Variants in USP6 observed in about 807,000 individuals in gnomAD.
USP6 encodes the protein ubiquitin carboxyl-terminal hydrolase 6.
Under a neutral mutation model 175.7 loss-of-function variants are expected in USP6, and 128 were observed. The ratio of observed to expected loss-of-function variants is 0.73; its 90% confidence interval spans 0.63 to 0.84. The LOEUF (loss-of-function observed/expected upper bound fraction) is 0.84. Ranked by LOEUF, USP6 falls within the 40% of genes least tolerant of loss-of-function variation. USP6 has a pLI of 0.00. For missense variants in USP6, 1,498 were observed against 1,760.3 expected (o/e 0.85, Z 2.67); for synonymous variants, 562 against 630.6 (o/e 0.89, Z 1.63).
At chr17:5,117,977 G>T (rs2143686709) in intron 1 of USP6, among the ~76,000 whole-genome samples, 1 of 151,750 alleles carries the variant, frequency 6.6e-6, no homozygotes, top group African/African-American at 2.4e-5. Context: ...GCTGAGGCAG[G>T]AGAATCACTT....
intron 3 of USP6, 32 bp downstream of exon 3, chr17:5,120,820 C>A: frequency 2.2e-6 from 1 of 452,968 alleles, no homozygotes; most frequent in Admixed American, 2.4e-5. Flanking sequence ...GGTGTGCACA[C>A]ATGTGGGCAC....
chr17:5,143,753 A>T (rs1012597245), intron 25 of USP6, among the ~76,000 whole-genome samples: 2 of 143,574 alleles, frequency 1.4e-5, no homozygotes, highest in South Asian at 2.2e-4. Context: ...ATGATCAATA[A>T]AAAAAAAAAA....
In USP6 at chr17:5,145,582, A is replaced by T. The variant is rs747489898; in HGVS notation, c.2167+3A>T. On this transcript the variant is annotated splice_donor_region_variant and intron_variant, in intron 27 of 37. Coordinates refer to ENST00000574788, the MANE Select transcript of USP6 (RefSeq NM_001304284.2). ...TTACATGGACTTAGAAATAACAGGTAGGTCACAAAGTTCTGAAAAATTACT... is the reference window on the plus strand; with the variant it reads ...TTACATGGACTTAGAAATAACAGGTTGGTCACAAAGTTCTGAAAAATTACT... 10 of 1,569,190 alleles carry T rather than the reference A, an allele frequency of 6.4e-6. No individual in the cohort carries two copies. Among genetic ancestry groups the T allele is most frequent in the Non-Finnish European group, 8.6e-6 (10 of 1,159,804 alleles).
intron 18 of USP6, 36 bp downstream of exon 18, chr17:5,136,770 C>T (rs1250154673): frequency 6.2e-7 from 1 of 1,606,440 alleles, no homozygotes; most frequent in Non-Finnish European, 8.5e-7. Context: ...TCTCAGAGGC[C>T]CTGCCTCCTG....
chr17:5,143,130 T>TG (rs2073498725), intron 25 of USP6, among the ~76,000 whole-genome samples: 1 of 151,534 alleles, frequency 6.6e-6, no homozygotes, highest in Non-Finnish European at 1.5e-5. Flanking sequence ...TGGAGGGAGG[T>TG]GAGGGGGTCA....
intron 30 of USP6, among the ~76,000 whole-genome samples, chr17:5,149,250 A>G (rs1174813545): frequency 3.3e-5 from 5 of 152,104 alleles, no homozygotes; most frequent in Non-Finnish European, 7.4e-5. Context: ...TAAAAATACA[A>G]AAATTAGCTG....
intron 1 of USP6, among the ~76,000 whole-genome samples, chr17:5,117,629 G>T (rs1308782304): frequency 1.3e-5 from 2 of 152,176 alleles, no homozygotes; most frequent in East Asian, 3.8e-4. Context: ...AAGTTAGTGG[G>T]AAATCACTGT....
intron 4 of USP6, among the ~76,000 whole-genome samples, chr17:5,123,987 C>T (rs2072806511): frequency 1.3e-5 from 2 of 152,148 alleles, no homozygotes; most frequent in African/African-American, 4.8e-5. Context: ...TAACAAGGAC[C>T]CCTAACAAGA....
chr17:5,149,390 G>A (rs1460395058), intron 30 of USP6, among the ~76,000 whole-genome samples: 2 of 151,974 alleles, frequency 1.3e-5, no homozygotes, highest in African/African-American at 4.8e-5. Flanking sequence ...GTGGTAAAGC[G>A]AGACTTCATC....
rs761579375 is a variant in USP6, at chr17:5,161,630, A to G, written c.2915+16A>G. ...CACAGTATAGGTAAAGTGACCTGCA[A>G]AAGAATTACTTTAGTAGAATTTCAG... On this transcript the variant is annotated intron_variant, in intron 32 of 37. Coordinates refer to ENST00000574788, the MANE Select transcript of USP6 (RefSeq NM_001304284.2). 4 of 1,610,964 alleles carry G rather than the reference A, an allele frequency of 2.5e-6. No homozygotes were observed. Among genetic ancestry groups the G allele is most frequent in the Middle Eastern group, 1.6e-4 (1 of 6,064 alleles).
Position 5,132,186 on chromosome 17 carries a change from C to G in USP6, c.156-210C>G. 6.5e-7 allele frequency: 1 copy of G among 1,528,550 alleles called. No homozygotes were observed. The highest frequency in any genetic ancestry group is 1.4e-5 in the African/African-American group (1 of 72,814). 94.7% of individuals were successfully genotyped at this position (1,528,550 alleles called of 1,614,324 possible). ...AGGGGCCCCAGTAACCCCAGCCAGG[C>G]TGTCCCTGCACTCCTTCTTCTCCCA... On this transcript the variant is annotated intron_variant, in intron 11 of 37. Coordinates refer to ENST00000574788, the MANE Select transcript of USP6 (RefSeq NM_001304284.2). The surrounding 1 kb of genome is among the most constrained non-coding windows in gnomAD (Gnocchi z 4.7).
intron 9 of USP6, 69 bp from the exon 10 acceptor site, chr17:5,130,297 GT>G: frequency 6.6e-7 from 1 of 1,515,614 alleles, no homozygotes. Context: ...TGGGAGCCCG[GT>G]GGGAGCGGTT....
chr17:5,131,328 C>T (rs2073059754), intron 11 of USP6, among the ~76,000 whole-genome samples: 1 of 150,018 alleles, frequency 6.7e-6, no homozygotes, highest in Admixed American at 6.7e-5. Flanking sequence ...GTAAGAGGAG[C>T]CCAGCCTGGA....
At chr17:5,123,462 G>T (rs1394880796) in intron 4 of USP6, among the ~76,000 whole-genome samples, 5 of 152,044 alleles carry the variant, frequency 3.3e-5, no homozygotes, top group Non-Finnish European at 5.9e-5. Flanking sequence ...CAGGCAGGGG[G>T]CCGGCCCAGC....
chr17:5,159,386 A>AC (rs1409247128), intron 31 of USP6, among the ~76,000 whole-genome samples: 11 of 152,270 alleles, frequency 7.2e-5, no homozygotes, highest in Non-Finnish European at 1.5e-4. Flanking sequence ...AAGAGAGAAG[A>AC]CCAAGTTACT....
rs763521294 is a variant in USP6, at chr17:5,137,709, T to C, written c.884T>C (p.Val295Ala). The change falls in exon 20 of 38, where the codon GTG becomes GCG. Residue 295 changes from valine (V) to alanine (A), a missense_variant. By Grantham distance (64) the Val-to-Ala change is moderately conservative. Coordinates refer to ENST00000574788, the MANE Select transcript of USP6 (RefSeq NM_001304284.2). ...GTGTATTTGGTGGAAGGAGAACAGG[T>C]GTTGATGCCAATAACCAGCATTGCT... Reference protein sequence around the residue: ...WDVYLVEGEQVLMPITSIALK... With the variant: ...WDVYLVEGEQALMPITSIALK... The C allele has an allele frequency of 2.5e-6, 4 of 1,608,838 alleles. No individual in the cohort carries two copies. The highest frequency in any genetic ancestry group is 3.4e-6 in the Non-Finnish European group (4 of 1,176,456).
At position 5,148,651 on chromosome 17, in the gene USP6, A is replaced by G; in HGVS notation, c.2527A>G (p.Thr843Ala). ...ATTCATCCCCAATGGAATGCCAAAC[A>G]CTGTTGTGCCATGTGGAACTGAGAA... Reference protein sequence around the residue: ...PIFIPNGMPNTVVPCGTEKNF... With the variant: ...PIFIPNGMPNAVVPCGTEKNF... The change falls in exon 30 of 38, where the codon ACT becomes GCT. Residue 843 changes from threonine (T) to alanine (A), a missense_variant. This residue lies in a region of USP6 where 1,217 missense variants were observed against 1,500.8 expected (regional missense o/e 0.81). Coordinates refer to ENST00000574788, the MANE Select transcript of USP6 (RefSeq NM_001304284.2). 2.5e-6 allele frequency: 4 copies of G among 1,613,932 alleles called. No homozygotes were observed. Among genetic ancestry groups the G allele is most frequent in the Non-Finnish European group, 3.4e-6 (4 of 1,179,858 alleles).
chr17:5,163,437 G>A (rs1054812033), intron 33 of USP6, among the ~76,000 whole-genome samples: 2 of 152,098 alleles, frequency 1.3e-5, no homozygotes, highest in Non-Finnish European at 2.9e-5. Flanking sequence ...CTTTCTAACA[G>A]CCCGCTCTCT....
In USP6 at chr17:5,132,971, CAT is replaced by C; in HGVS notation, c.261_262del (p.Tyr87Ter). 6.2e-7 allele frequency: 1 copy of C among 1,614,084 alleles called. No individual in the cohort carries two copies. The highest frequency in any genetic ancestry group is 8.5e-7 in the Non-Finnish European group (1 of 1,179,990). ...ATGGAAATGCTGGGAGAATGGGAGA[CAT>C]ATAAGCACAGTAGCAAAGTAATGTG... On this transcript the variant is annotated frameshift_variant, in exon 13 of 38. Transcript: ENST00000574788. LOFTEE classifies it high-confidence loss of function. The surrounding 1 kb of genome is among the most constrained non-coding windows in gnomAD (Gnocchi z 4.7).
Sources: gnomAD v4.1 joint callset for allele counts (sites outside exome capture counted in the v4.1 genomes callset) on GRCh38, gnomAD v4.1.1 for gene constraint, gnomAD v4.1.1 regional missense constraint, Gnocchi (gnomAD v3.1) non-coding constraint, MANE v1.5 for transcripts, NCBI Gene and HGNC (gene_info 2026-07-23, HGNC 2026-07-21) for gene names.